Variants in QDPR observed in about 807,000 individuals in gnomAD.
QDPR encodes quinoid dihydropteridine reductase.
A neutral mutation model predicts 31.7 loss-of-function variants in QDPR; 23 were observed. That is an observed-to-expected ratio of 0.73 (90% CI 0.52 to 1.03). The LOEUF is 1.03. Ranked by LOEUF, QDPR falls within the 50% of genes least tolerant of loss-of-function variation. QDPR has a pLI of 0.00. For synonymous variants in QDPR, 124 were observed against 124.7 expected (o/e 0.99, Z 0.03); for missense variants, 324 against 323.8 (o/e 1.00, Z 0.00).
chr4:17,487,018 T>G lies in QDPR; in HGVS notation c.*113A>C. 1.2e-6 allele frequency: 1 copy of G among 816,348 alleles called. No homozygotes were observed. Among genetic ancestry groups the G allele is most frequent in the Admixed American group, 1.9e-5 (1 of 51,640 alleles). The allele number at this position is 816,348 out of a possible 1,614,324, so 50.6% of individuals were successfully genotyped here. A position where few individuals can be genotyped will look rare whatever the true frequency, so the allele number is the denominator to read the frequency against. ...ATATTATGTGAGAGAAAAATAGGAC[T>G]CATTATCTCGTACCACAAACAGGGG... On this transcript the variant is annotated 3_prime_UTR_variant, in exon 7 of 7. Transcript: ENST00000281243.
rs3217604 is a variant in QDPR, at chr4:17,511,875, GC to G, written c.105+74del. The stretch of plus-strand genomic sequence containing the variant: ...AGGGGCCCCCACCTTCCTCTAGACT[GC>G]CCCCCGCCGGGTTCCACACGAAAGC... On this transcript the variant is annotated intron_variant, in intron 1 of 6. Coordinates refer to ENST00000281243, the MANE Select transcript of QDPR (RefSeq NM_000320.3). 0.64 allele frequency: 951,853 copies of G among 1,490,668 alleles called. 311,852 individuals are homozygous for G. Among genetic ancestry groups the G allele is most frequent in the East Asian group, 0.88 (36,051 of 40,844 alleles). The allele number at this position is 1,490,668 out of a possible 1,614,324, so 92.3% of individuals were successfully genotyped here.
intron 4 of QDPR, among the ~76,000 whole-genome samples, chr4:17,501,175 C>G (rs1718548589): frequency 6.6e-6 from 1 of 152,022 alleles, no homozygotes; most frequent in Non-Finnish European, 1.5e-5. Flanking sequence ...CACCCCCAAC[C>G]CTCTCACTCT....
intron 6 of QDPR, among the ~76,000 whole-genome samples, chr4:17,489,677 G>A (rs1402202572): frequency 1.3e-5 from 2 of 152,194 alleles, no homozygotes; most frequent in African/African-American, 4.8e-5. Flanking sequence ...AGTTTGCTAT[G>A]AGCATTAAAT....
intron 5 of QDPR, 150 bp downstream of exon 5, chr4:17,492,082 G>A (rs948487484): frequency 3.2e-6 from 2 of 625,532 alleles, no homozygotes; most frequent in East Asian, 2.7e-5. Context: ...AACAGATTAA[G>A]ATAATAAGTA....
chr4:17,498,046 A>G (rs957320413), intron 4 of QDPR, among the ~76,000 whole-genome samples: 3 of 152,180 alleles, frequency 2.0e-5, no homozygotes, highest in African/African-American at 7.2e-5. Flanking sequence ...GTAGCTGCTC[A>G]CTAAATGCTG....
chr4:17,490,602 C>T, intron 6 of QDPR, 60 bp downstream of exon 6: 1 of 1,405,038 alleles, frequency 7.1e-7, no homozygotes, highest in Non-Finnish European at 1.0e-6. Context: ...CTCTGGACCA[C>T]AGCAGGCAGA....
chr4:17,506,723 C>G (rs989536484), intron 2 of QDPR, among the ~76,000 whole-genome samples: 5 of 152,196 alleles, frequency 3.3e-5, no homozygotes, highest in Non-Finnish European at 7.3e-5. Context: ...GATGCCATGT[C>G]AACTTTCACT....
chr4:17,491,285 A>C (rs1718156687), intron 5 of QDPR, among the ~76,000 whole-genome samples: 1 of 152,256 alleles, frequency 6.6e-6, no homozygotes, highest in South Asian at 2.1e-4. Flanking sequence ...GAATCATTCA[A>C]AACAGCTGTG....
intron 1 of QDPR, among the ~76,000 whole-genome samples, chr4:17,511,288 C>T (rs997696492): frequency 2.0e-5 from 3 of 152,170 alleles, no homozygotes; most frequent in Non-Finnish European, 4.4e-5. Context: ...TGGAAATTGA[C>T]ACCTGACTAT....
intron 1 of QDPR, among the ~76,000 whole-genome samples, chr4:17,511,339 T>A (rs1718998710): frequency 3.3e-5 from 5 of 152,202 alleles, no homozygotes; most frequent in Admixed American, 3.3e-4. Flanking sequence ...AAAGAAGCCG[T>A]CAGCGTTTTT....
chr4:17,488,851 G>A (rs1460345564), intron 6 of QDPR, among the ~76,000 whole-genome samples: 1 of 152,142 alleles, frequency 6.6e-6, no homozygotes, highest in African/African-American at 2.4e-5. Flanking sequence ...AAAAAACAAA[G>A]CGTTGCTAAA....
At chr4:17,496,779 C>CA (rs1718376836) in intron 4 of QDPR, among the ~76,000 whole-genome samples, 1 of 149,690 alleles carries the variant, frequency 6.7e-6, no homozygotes, top group African/African-American at 2.5e-5. Flanking sequence ...TGTTTGGAGA[C>CA]AGAGTCTCAC....
rs1399923801 is a variant in QDPR, at chr4:17,492,350, G to A, written c.437-10C>T. On this transcript the variant is annotated splice_polypyrimidine_tract_variant and intron_variant, in intron 4 of 6. Transcript: ENST00000281243. The stretch of plus-strand genomic sequence containing the variant: ...CCGTACCCGATCATACCTGGGAAAT[G>A]GGGAGAAGATGGCTCAGTGACCACT... 2 of 1,611,538 alleles carry A rather than the reference G, an allele frequency of 1.2e-6. No individual in the cohort carries two copies. Among genetic ancestry groups the A allele is most frequent in the Non-Finnish European group, 1.7e-6 (2 of 1,177,772 alleles).
At chr4:17,494,547 G>A (rs971062933) in intron 4 of QDPR, among the ~76,000 whole-genome samples, 2 of 152,184 alleles carry the variant, frequency 1.3e-5, no homozygotes, top group Non-Finnish European at 1.5e-5. Context: ...TCCTGGGAGA[G>A]ACGCTGCTTT....
At chr4:17,496,550 C>G (rs1431364718) in intron 4 of QDPR, among the ~76,000 whole-genome samples, 1 of 146,000 alleles carries the variant, frequency 6.8e-6, no homozygotes, top group South Asian at 2.2e-4. Context: ...ATATTCCAGA[C>G]AAACTAACTT....
rs757533596 is a variant in QDPR, at chr4:17,490,667, T to C, written c.624A>G (p.Leu208=). The part of the protein sequence containing the change: ...DFSSWTPLEF[L]VETFHDWITG... ...GACATGTCTGTAATACTCACTCAAC[T>C]AGGAATTCTAAGGGTGTCCAGGAGC... is the stretch of plus-strand genomic sequence containing the variant. The change falls in exon 6 of 7, where the codon CTA becomes CTG. Residue 208 remains leucine, a synonymous_variant. Coordinates refer to ENST00000281243, the MANE Select transcript of QDPR (RefSeq NM_000320.3). The C allele has an allele frequency of 1.3e-5, 21 of 1,612,626 alleles. No individual in the cohort carries two copies. Among genetic ancestry groups the C allele is most frequent in the Non-Finnish European group, 1.7e-5 (20 of 1,178,662 alleles).
At chr4:17,496,442 C>CAAAAAAAAAAAAAAAATAAAAAAAAAAAA (rs1718357384) in intron 4 of QDPR, among the ~76,000 whole-genome samples, 1 of 64,608 alleles carries the variant, frequency 1.5e-5, no homozygotes, top group Non-Finnish European at 2.8e-5. Flanking sequence ...AAAACTGTCT[C>CAAAAAAAAAAAAAAAATAAAAAAAAAAAA]AAAAAAAAAA....
chr4:17,496,327 C>A (rs1433205206), intron 4 of QDPR, among the ~76,000 whole-genome samples: 1 of 151,058 alleles, frequency 6.6e-6, no homozygotes, highest in Non-Finnish European at 1.5e-5. Context: ...TGCCTGTAAT[C>A]CCAGCTGCTC....
chr4:17,505,805 G>T (rs1159173082), intron 2 of QDPR, among the ~76,000 whole-genome samples: 2 of 152,172 alleles, frequency 1.3e-5, no homozygotes, highest in Non-Finnish European at 2.9e-5. Flanking sequence ...TATGCTGTTT[G>T]TTCAGAAATT....
Sources: allele counts gnomAD v4.1 joint callset (sites outside exome capture counted in the v4.1 genomes callset), GRCh38; gene constraint gnomAD v4.1.1; transcripts MANE v1.5; gene names NCBI Gene and HGNC (gene_info 2026-07-23, HGNC 2026-07-21).